PDE10A: variants seen among roughly 807,000 people sequenced by gnomAD.
PDE10A encodes phosphodiesterase 10A.
A neutral mutation model predicts 97.7 loss-of-function variants in PDE10A; 39 were observed. The ratio of observed to expected loss-of-function variants is 0.40; its 90% CI spans 0.31 to 0.52. The LOEUF is 0.52. Ranked by LOEUF, PDE10A falls within the 20% of genes least tolerant of loss-of-function variation. PDE10A has a pLI of 0.56. For synonymous variants in PDE10A, 371 were observed against 376.8 expected (o/e 0.98, Z 0.18); for missense variants, 731 against 1,047.8 (o/e 0.70, Z 4.17).
intron 1 of PDE10A, among the ~76,000 whole-genome samples, chr6:165,927,196 C>T (rs1001778061): frequency 8.6e-5 from 13 of 151,980 alleles, no homozygotes; most frequent in African/African-American, 1.5e-4. Flanking sequence ...TGCACATGTA[C>T]GCCAGAACGT....
At chr6:165,631,631 T>C (rs982305996) in intron 1 of PDE10A, among the ~76,000 whole-genome samples, 1 of 152,218 alleles carries the variant, frequency 6.6e-6, no homozygotes, top group Non-Finnish European at 1.5e-5. Flanking sequence ...TTTTATTACA[T>C]GGTTAAATTT....
intron 1 of PDE10A, among the ~76,000 whole-genome samples, chr6:165,642,370 G>C (rs1342514012): frequency 6.6e-6 from 1 of 152,182 alleles, no homozygotes; most frequent in Non-Finnish European, 1.5e-5. Context: ...ACGTCCATCT[G>C]TGCACCACCC....
At chr6:165,491,476 G>A (rs1780222769) in intron 2 of PDE10A, among the ~76,000 whole-genome samples, 1 of 152,108 alleles carries the variant, frequency 6.6e-6, no homozygotes, top group East Asian at 1.9e-4. Context: ...CTGTCTCCAA[G>A]ACAGACCATC....
At position 165,459,518 on chromosome 6, in the gene PDE10A, T is replaced by C. The variant is rs373688134; in HGVS notation, c.1024-9156A>G. Among the ~76,000 whole-genome samples, 23 of 80,922 alleles carry C rather than the reference T, an allele frequency of 2.8e-4. No homozygotes were observed. The South Asian group carries it at 3.9e-3, about 14-fold the overall frequency. 53.1% of individuals were successfully genotyped at this position (80,922 alleles called of 152,430 possible). A position where few individuals can be genotyped will look rare whatever the true frequency, so the allele number is the denominator to read the frequency against. On this transcript the variant is annotated intron_variant, in intron 3 of 21. Transcript: ENST00000539869. ...ATAGATAGATAGATAGATAGATAGA[T>C]AGATAGACAGACAGACAGACAGACA...
At chr6:165,679,111 T>C (rs147098389) in intron 1 of PDE10A, among the ~76,000 whole-genome samples, 183 of 152,300 alleles carry the variant, frequency 1.2e-3, no homozygotes, top group African/African-American at 4.3e-3. Context: ...ATTGTGGCAT[T>C]GGGTGTTCAG....
chr6:165,711,964 A>G lies in PDE10A; in HGVS notation c.-614-168396T>C, dbSNP rs1184411994. Among the ~76,000 whole-genome samples the G allele has an allele frequency of 1.3e-5, 2 of 151,964 alleles. No individual in the cohort carries two copies. The highest frequency in any genetic ancestry group is 6.6e-5 in the Admixed American group (1 of 15,262). Reference sequence around the variant, plus strand: ...GTTTAATATTTGAAAGAAACATCCAACTCTTGGACCCCACAGGTGGCCACT... The same window carrying G: ...GTTTAATATTTGAAAGAAACATCCAGCTCTTGGACCCCACAGGTGGCCACT... On this transcript the variant is annotated intron_variant, in intron 1 of 19. Transcript: ENST00000366882. The surrounding 1 kb of genome is among the most constrained non-coding windows in gnomAD (Gnocchi z 4.5).
At chr6:165,629,015 GT>G (rs886522739) in intron 1 of PDE10A, among the ~76,000 whole-genome samples, 82 of 148,342 alleles carry the variant, frequency 5.5e-4, no homozygotes, top group African/African-American at 1.3e-3. Flanking sequence ...ATTTTTATGG[GT>G]TTTTTTTTTA....
chr6:165,804,051 A>G (rs1336507379), intron 1 of PDE10A, among the ~76,000 whole-genome samples: 1 of 152,202 alleles, frequency 6.6e-6, no homozygotes, highest in Non-Finnish European at 1.5e-5. Context: ...TGCAAGGTGG[A>G]TGCTTTTGAA....
At chr6:165,912,672 T>C (rs1229464161) in intron 1 of PDE10A, among the ~76,000 whole-genome samples, 1 of 152,222 alleles carries the variant, frequency 6.6e-6, no homozygotes, top group Non-Finnish European at 1.5e-5. Flanking sequence ...GCTTGAGTGT[T>C]AGGGCTGTTG....
At chr6:165,833,310 C>G (rs1779976762) in intron 1 of PDE10A, among the ~76,000 whole-genome samples, 1 of 152,232 alleles carries the variant, frequency 6.6e-6, no homozygotes, top group African/African-American at 2.4e-5. Flanking sequence ...CCTGGATAAA[C>G]TGTAATATAC....
Position 165,610,315 on chromosome 6 carries a change from G to A in PDE10A, c.865+51632C>T, listed in dbSNP as rs376866445. On this transcript the variant is annotated intron_variant, in intron 1 of 21. Coordinates refer to ENST00000539869, the MANE Select transcript of PDE10A (RefSeq NM_001385079.1). Reference sequence around the variant, plus strand: ...TCCCAGCACTTTGGGAGGCCAAGGTGGGCGGATCACGAGGTCAGGAGATCG... The same window carrying A: ...TCCCAGCACTTTGGGAGGCCAAGGTAGGCGGATCACGAGGTCAGGAGATCG... 3.2e-4 allele frequency among the ~76,000 whole-genome samples: 49 copies of A among 152,258 alleles called. 1 individual carries two copies. The highest frequency in any genetic ancestry group is 6.8e-4 in the Non-Finnish European group (46 of 68,010).
chr6:165,916,650 A>C lies in PDE10A; in HGVS notation c.-615+70879T>G, dbSNP rs76689694. Among the ~76,000 whole-genome samples the C allele has an allele frequency of 8.2e-3, 1,256 of 152,326 alleles. 14 individuals are homozygous for C. Among genetic ancestry groups the C allele is most frequent in the African/African-American group, 0.027 (1,107 of 41,574 alleles). On this transcript the variant is annotated intron_variant, in intron 1 of 19. Transcript: ENST00000366882. ...AGCTCCACATGCATACTAAGCTTTC[A>C]TTTATTTCATTTATTGATTGATTGT...
intron 2 of PDE10A, among the ~76,000 whole-genome samples, chr6:165,499,034 T>C (rs1285838547): frequency 6.6e-6 from 1 of 152,230 alleles, no homozygotes; most frequent in Non-Finnish European, 1.5e-5. Flanking sequence ...CTGTGAACAC[T>C]GAAAATTACA....
intron 1 of PDE10A, among the ~76,000 whole-genome samples, chr6:165,902,547 C>T (rs1468082855): frequency 6.6e-6 from 1 of 152,230 alleles, no homozygotes; most frequent in East Asian, 1.9e-4. Context: ...AACTGGCTCT[C>T]TTCGGCATTC....
At chr6:165,849,522 A>G (rs184064351) in intron 1 of PDE10A, among the ~76,000 whole-genome samples, 6 of 152,240 alleles carry the variant, frequency 3.9e-5, no homozygotes, top group Admixed American at 3.9e-4. Context: ...TTCCTGACAT[A>G]TGTGGGTCTC....
intron 2 of PDE10A, among the ~76,000 whole-genome samples, chr6:165,491,332 G>T (rs942279671): frequency 6.6e-6 from 1 of 152,040 alleles, no homozygotes; most frequent in East Asian, 1.9e-4. Context: ...CACTAAACAG[G>T]TCATCAAGAC....
At chr6:165,881,160 A>G (rs1781461183) in intron 1 of PDE10A, among the ~76,000 whole-genome samples, 1 of 152,152 alleles carries the variant, frequency 6.6e-6, no homozygotes, top group African/African-American at 2.4e-5. Context: ...GATGTGTTTC[A>G]CCTTCTTTAC....
chr6:165,741,697 T>C (rs1792725231), intron 1 of PDE10A, among the ~76,000 whole-genome samples: 1 of 152,312 alleles, frequency 6.6e-6, no homozygotes, highest in African/African-American at 2.4e-5. Context: ...TTTTAAAATA[T>C]GCATGCCAAT....
intron 13 of PDE10A, among the ~76,000 whole-genome samples, chr6:165,405,237 C>T (rs756398659): frequency 3.3e-5 from 5 of 152,176 alleles, no homozygotes; most frequent in Non-Finnish European, 5.9e-5. Flanking sequence ...GGTAGGAATA[C>T]TGACTTCTCT....
Sources: gnomAD v4.1 joint callset for allele counts (sites outside exome capture counted in the v4.1 genomes callset) on GRCh38, gnomAD v4.1.1 for gene constraint, Gnocchi (gnomAD v3.1) non-coding constraint, MANE v1.5 for transcripts, NCBI Gene and HGNC (gene_info 2026-07-23, HGNC 2026-07-21) for gene names.